UBE2W: variants seen among roughly 807,000 people sequenced by gnomAD.
UBE2W encodes ubiquitin conjugating enzyme E2 W.
Under a neutral mutation model 27.2 loss-of-function variants are expected in UBE2W, and 18 were observed. The ratio of observed to expected loss-of-function variants is 0.66; its 90% CI spans 0.46 to 0.98. The LOEUF is 0.98. Among genes scored for constraint, UBE2W ranks in the 50% least tolerant of loss-of-function variants. UBE2W has a pLI of 0.00. For synonymous variants in UBE2W, 53 were observed against 57.2 expected (o/e 0.93, Z 0.33); for missense variants, 90 against 180.2 (o/e 0.50, Z 2.87).
downstream of UBE2W, among the ~76,000 whole-genome samples, chr8:73,781,450 G>A (rs1469171769): frequency 6.6e-6 from 1 of 151,742 alleles, no homozygotes; most frequent in Non-Finnish European, 1.5e-5. Context: ...GTGCAACGGG[G>A]GAATGCAAAC....
intron 1 of UBE2W, among the ~76,000 whole-genome samples, chr8:73,855,108 T>C (rs925982973): frequency 2.0e-5 from 3 of 152,244 alleles, no homozygotes; most frequent in African/African-American, 4.8e-5. Flanking sequence ...TCTGCTTCTT[T>C]GGAGTACTTC....
Position 73,854,049 on chromosome 8 carries a change from T to TGA in UBE2W, c.16-23579_16-23578dup, listed in dbSNP as rs1224432608. Among the ~76,000 whole-genome samples the TGA allele has an allele frequency of 2.0e-5, 3 of 152,104 alleles. No individual in the cohort carries two copies. The East Asian group carries it at 5.8e-4, about 29-fold the overall frequency. On this transcript the variant is annotated intron_variant, in intron 1 of 5. Transcript: ENST00000602593. ...TTGTAGTCCCAGCTACTCAGGAGGCTGAGGAGGGAGGATCACTTGAGCCTG... is the reference window on the plus strand; with the variant it reads ...TTGTAGTCCCAGCTACTCAGGAGGCTGAGAGGAGGGAGGATCACTTGAGCCTG...
At chr8:73,858,451 A>G (rs1332956309) in intron 1 of UBE2W, among the ~76,000 whole-genome samples, 1 of 151,878 alleles carries the variant, frequency 6.6e-6, no homozygotes, top group Non-Finnish European at 1.5e-5. Flanking sequence ...ACAAATACTG[A>G]CTTATAAAAT....
At chr8:73,864,158 C>G (rs1264546244) in intron 1 of UBE2W, among the ~76,000 whole-genome samples, 1 of 152,198 alleles carries the variant, frequency 6.6e-6, no homozygotes, top group Non-Finnish European at 1.5e-5. Flanking sequence ...CTTTGGGAGG[C>G]TGAGACAGGC....
At chr8:73,827,615 G>C (rs1277151305) in intron 2 of UBE2W, among the ~76,000 whole-genome samples, 1 of 151,986 alleles carries the variant, frequency 6.6e-6, no homozygotes, top group East Asian at 1.9e-4. Context: ...CTGCAGCCTT[G>C]ACCTCCTGGG....
chr8:73,825,083 C>T, intron 3 of UBE2W, 64 bp downstream of exon 3: 4 of 1,003,262 alleles, frequency 4.0e-6, no homozygotes, highest in Non-Finnish European at 5.9e-6. Context: ...TTTACTGAGT[C>T]AAACATCTCT....
intron 3 of UBE2W, among the ~76,000 whole-genome samples, chr8:73,815,273 G>C (rs903012101): frequency 3.3e-5 from 5 of 152,146 alleles, no homozygotes; most frequent in Non-Finnish European, 1.5e-5. Flanking sequence ...TACTCAGGAA[G>C]CTAAGGTGAG....
At chr8:73,781,855 T>C (rs1349718797), downstream of UBE2W, among the ~76,000 whole-genome samples, 1 of 151,942 alleles carries the variant, frequency 6.6e-6, no homozygotes, top group Non-Finnish European at 1.5e-5. Context: ...ACAATTTGAT[T>C]ATGGCTGAAT....
downstream of UBE2W, among the ~76,000 whole-genome samples, chr8:73,782,338 C>A (rs1446667135): frequency 6.6e-6 from 1 of 151,918 alleles, no homozygotes; most frequent in African/African-American, 2.4e-5. Context: ...CTCTGTGAAA[C>A]CAAGACAATC....
chr8:73,867,401 G>A (rs1483008898), intron 1 of UBE2W, among the ~76,000 whole-genome samples: 1 of 152,048 alleles, frequency 6.6e-6, no homozygotes, highest in African/African-American at 2.4e-5. Context: ...TGGGCATGGT[G>A]GCACACGCCT....
chr8:73,809,616 C>A (rs991621898), intron 4 of UBE2W, among the ~76,000 whole-genome samples: 2 of 152,072 alleles, frequency 1.3e-5, no homozygotes, highest in Admixed American at 6.6e-5. Context: ...GATGGAGTCT[C>A]GCTCTGTCAC....
intron 1 of UBE2W, among the ~76,000 whole-genome samples, chr8:73,834,437 T>C (rs915760346): frequency 2.6e-5 from 4 of 152,218 alleles, no homozygotes; most frequent in Admixed American, 1.3e-4. Context: ...ACTTTCCATA[T>C]ACTAACTTGT....
At chr8:73,828,986 T>C (rs928295306) in intron 2 of UBE2W, among the ~76,000 whole-genome samples, 3 of 152,184 alleles carry the variant, frequency 2.0e-5, no homozygotes, top group Non-Finnish European at 2.9e-5. Context: ...TATAAGACTA[T>C]TTTATAGCCT....
At chr8:73,845,839 A>G (rs1244437582) in intron 1 of UBE2W, among the ~76,000 whole-genome samples, 1 of 152,258 alleles carries the variant, frequency 6.6e-6, no homozygotes, top group Non-Finnish European at 1.5e-5. Flanking sequence ...CAGTAAAAAT[A>G]TATTTTATGT....
chr8:73,847,088 G>C (rs1453898459), intron 1 of UBE2W, among the ~76,000 whole-genome samples: 3 of 152,170 alleles, frequency 2.0e-5, no homozygotes, highest in East Asian at 1.9e-4. Context: ...AGAATTGCTC[G>C]AACCAGGGAA....
intron 3 of UBE2W, among the ~76,000 whole-genome samples, chr8:73,820,540 C>CT (rs1482752496): frequency 6.6e-6 from 1 of 151,878 alleles, no homozygotes; most frequent in Admixed American, 6.6e-5. Context: ...AGTTCAAGAC[C>CT]AGCTGGACCA....
chr8:73,805,317 G>A (rs1808828240), intron 5 of UBE2W, among the ~76,000 whole-genome samples: 1 of 150,466 alleles, frequency 6.6e-6, no homozygotes, highest in African/African-American at 2.4e-5. Context: ...GCTGGGTGTG[G>A]TTGCACATGC....
intron 1 of UBE2W, among the ~76,000 whole-genome samples, chr8:73,864,776 G>T: frequency 6.7e-6 from 1 of 149,020 alleles, no homozygotes; most frequent in Non-Finnish European, 1.5e-5. Context: ...GGGGGGCTGA[G>T]GGGATATTTT....
intron 1 of UBE2W, among the ~76,000 whole-genome samples, chr8:73,832,858 G>A (rs1459015368): frequency 6.6e-6 from 1 of 152,168 alleles, no homozygotes; most frequent in Non-Finnish European, 1.5e-5. Flanking sequence ...GTGCTTAAAA[G>A]TTTTAGCAGT....
Sources: allele counts gnomAD v4.1 joint callset (sites outside exome capture counted in the v4.1 genomes callset), GRCh38; gene constraint gnomAD v4.1.1; transcripts MANE v1.5; gene names NCBI Gene and HGNC (gene_info 2026-07-23, HGNC 2026-07-21).